DOCK10: variants seen among roughly 807,000 people sequenced by gnomAD.
DOCK10 encodes dedicator of cytokinesis 10.
In DOCK10, 145 loss-of-function variants were observed where a neutral mutation model predicts 280.1. That is an observed-to-expected ratio of 0.52 (90% confidence interval 0.45 to 0.59). The LOEUF (loss-of-function observed/expected upper bound fraction) is 0.59. DOCK10 is among the 20% of genes least tolerant of loss of function. DOCK10 has a pLI of 0.00. For synonymous variants in DOCK10, 915 were observed against 942.2 expected, an observed-to-expected ratio of 0.97 and a Z score of 0.53; for missense variants, 2,368 against 2,651.7, an observed-to-expected ratio of 0.89 and a Z score of 2.35.
intron 3 of DOCK10, among the ~76,000 whole-genome samples, chr2:224,908,798 G>T (rs1700832426): frequency 6.6e-6 from 1 of 152,126 alleles, no homozygotes; most frequent in Non-Finnish European, 1.5e-5. Flanking sequence ...CACCCAGCCT[G>T]CTTCTGTTCT....
intron 19 of DOCK10, 142 bp downstream of exon 19, chr2:224,849,365 G>T: frequency 2.0e-6 from 1 of 509,738 alleles, no homozygotes; most frequent in Non-Finnish European, 3.5e-6. Context: ...ATATAGTTTA[G>T]AAATATTGGT....
At chr2:225,014,081 A>ATATATTTTTTTTTTTTTTTTTT (rs776104946) in intron 1 of DOCK10, among the ~76,000 whole-genome samples, 1 of 96,800 alleles carries the variant, frequency 1.0e-5, no homozygotes, top group Non-Finnish European at 1.9e-5. Context: ...GTCTGAATAT[A>ATATATTTTTTTTTTTTTTTTTT]TTGTTTTTTT....
At chr2:224,879,850 A>T (rs556892362) in intron 7 of DOCK10, among the ~76,000 whole-genome samples, 1 of 152,308 alleles carries the variant, frequency 6.6e-6, no homozygotes, top group East Asian at 1.9e-4. Flanking sequence ...TTGCAAGGAC[A>T]TTTTTAAGTA....
At chr2:224,999,126 G>A (rs1344558008) in intron 1 of DOCK10, among the ~76,000 whole-genome samples, 1 of 152,212 alleles carries the variant, frequency 6.6e-6, no homozygotes, top group African/African-American at 2.4e-5. Flanking sequence ...GGCAGAGGTT[G>A]CAGTGAGCTG....
rs149073821 is a variant in DOCK10 at position 224,783,971 on chromosome 2, C to T, written c.5655+3051G>A. ...AATTAGGTTGAACCATATAAAGTTGCCATTTTTGTACATAAAAAAGTGGTT... is the reference window on the plus strand; with the variant it reads ...AATTAGGTTGAACCATATAAAGTTGTCATTTTTGTACATAAAAAAGTGGTT... On this transcript the variant is annotated intron_variant, in intron 50 of 55. Coordinates refer to ENST00000258390, the MANE Select transcript of DOCK10 (RefSeq NM_014689.3). Among the ~76,000 whole-genome samples, 6 of 152,134 alleles carry T rather than the reference C, an allele frequency of 3.9e-5. No homozygotes were observed. The East Asian group carries it at 1.2e-3, about 29-fold the overall frequency.
Position 224,775,060 on chromosome 2 carries a change from G to A in DOCK10, c.5858C>T (p.Thr1953Met), listed in dbSNP as rs777792020. ...GATTTCCTTTTCCTCAAAGAACGGC[G>A]TCACATAGGTCACCTGGATGTAGGC... Reference protein sequence around the residue: ...KYAYIQVTYVTPFFEEKEIED... With the variant: ...KYAYIQVTYVMPFFEEKEIED... Residue 1953 changes from threonine to methionine, a missense_variant, in exon 52 of 56, where the codon ACG becomes ATG. By Grantham distance (81) the Thr-to-Met change is moderately conservative (BLOSUM62 -1). Transcript: ENST00000258390. 4.1e-5 allele frequency: 66 copies of A among 1,613,914 alleles called. No homozygotes were observed. The highest frequency in any genetic ancestry group is 1.2e-4 in the African/African-American group (9 of 74,932).
At chr2:225,033,384 T>C (rs1201433121) in intron 1 of DOCK10, among the ~76,000 whole-genome samples, 3 of 152,058 alleles carry the variant, frequency 2.0e-5, no homozygotes, top group Admixed American at 6.5e-5. Context: ...GGTTTCGCCA[T>C]ATTGGTCAGG....
intron 20 of DOCK10, 21 bp from the exon 21 acceptor site, chr2:224,845,345 C>A: frequency 6.3e-7 from 1 of 1,581,912 alleles, no homozygotes; most frequent in South Asian, 1.2e-5. Context: ...GAATAACCAA[C>A]AAAAATTCTG....
intron 50 of DOCK10, among the ~76,000 whole-genome samples, chr2:224,780,823 C>G (rs997512201): frequency 2.0e-5 from 3 of 151,954 alleles, no homozygotes; most frequent in Non-Finnish European, 4.4e-5. Flanking sequence ...TCGCTTGAAT[C>G]CAGGAGGCGG....
intron 30 of DOCK10, among the ~76,000 whole-genome samples, chr2:224,816,261 C>T (rs1022683304): frequency 1.3e-5 from 2 of 149,834 alleles, no homozygotes; most frequent in Non-Finnish European, 3.0e-5. Context: ...CTTTTCCTCC[C>T]TATAATTTTA....
chr2:224,858,162 C>T (rs1001820671), intron 14 of DOCK10, among the ~76,000 whole-genome samples: 1 of 152,198 alleles, frequency 6.6e-6, no homozygotes. Flanking sequence ...GGAAGTTAAA[C>T]TGAGCTTGAA....
chr2:225,016,156 T>C (rs182998755), intron 1 of DOCK10, among the ~76,000 whole-genome samples: 1 of 152,296 alleles, frequency 6.6e-6, no homozygotes, highest in African/African-American at 2.4e-5. Flanking sequence ...GGTGAGCAGG[T>C]TTGTCACTAG....
At position 224,886,617 on chromosome 2, in the gene DOCK10, A is replaced by G. The variant is rs1013779955; in HGVS notation, c.417-86T>C. ...TGCTCCCCAGGTAACAATAACAACT[A>G]TGGTGCTGGTGTTCTTACAAATTTC... is the stretch of plus-strand genomic sequence containing the variant. On this transcript the variant is annotated intron_variant, in intron 4 of 55. Transcript: ENST00000258390. 9.9e-6 allele frequency: 10 copies of G among 1,008,548 alleles called. No homozygotes were observed. In the African/African-American group the frequency reaches 1.5e-4, roughly 15 times the overall value. The allele number at this position is 1,008,548 out of a possible 1,614,324, so 62.5% of individuals were successfully genotyped here.
At chr2:224,886,602 GTAACAA>G in intron 4 of DOCK10, 71 bp from the exon 5 acceptor site, 1 of 1,238,332 alleles carries the variant, frequency 8.1e-7, no homozygotes, top group East Asian at 2.4e-5. Flanking sequence ...TGCTCCCCAG[GTAACAA>G]TAACAACTAT....
chr2:224,912,146 T>TC (rs1442761597), intron 3 of DOCK10, among the ~76,000 whole-genome samples: 1 of 36,032 alleles, frequency 2.8e-5, no homozygotes, highest in African/African-American at 5.0e-5. Flanking sequence ...AAAATACATT[T>TC]TTTTTTTTTT....
In DOCK10 at chr2:224,886,886, A is replaced by AC. The variant is rs879598680; in HGVS notation, c.417-356dup. On this transcript the variant is annotated intron_variant, in intron 4 of 55. Coordinates refer to ENST00000258390, the MANE Select transcript of DOCK10 (RefSeq NM_014689.3). ...TCTCATGCTGCATGCAGCACCCCCAACACCCCCCCAAGTAGTACCTGGGAT... is the reference window on the plus strand; with the variant it reads ...TCTCATGCTGCATGCAGCACCCCCAACCACCCCCCCAAGTAGTACCTGGGAT... 8.1e-4 allele frequency among the ~76,000 whole-genome samples: 109 copies of AC among 135,240 alleles called. 3 individuals are homozygous for AC. The highest frequency in any genetic ancestry group is 2.0e-3 in the African/African-American group (67 of 32,956). 88.7% of individuals were successfully genotyped at this position (135,240 alleles called of 152,430 possible).
At chr2:224,988,995 G>C (rs538377252) in intron 1 of DOCK10, among the ~76,000 whole-genome samples, 1 of 152,274 alleles carries the variant, frequency 6.6e-6, no homozygotes, top group African/African-American at 2.4e-5. Context: ...GCTACTTTGG[G>C]TCCAATTAGA....
rs1317218542 is a variant in DOCK10, at chr2:224,783,825, G to A, written c.5655+3197C>T. On this transcript the variant is annotated intron_variant, in intron 50 of 55. Coordinates refer to ENST00000258390, the MANE Select transcript of DOCK10 (RefSeq NM_014689.3). ...AATGAACATAGAAAATGCTGGTATGGTATGAATGTGGGAAGGAATTTAAAG... is the reference window on the plus strand; with the variant it reads ...AATGAACATAGAAAATGCTGGTATGATATGAATGTGGGAAGGAATTTAAAG... Among the ~76,000 whole-genome samples the A allele has an allele frequency of 5.3e-5, 8 of 152,116 alleles. No individual in the cohort carries two copies. The East Asian group carries it at 1.5e-3, about 29-fold the overall frequency.
chr2:224,804,658 T>C (rs1574849778), intron 38 of DOCK10, 136 bp downstream of exon 38: 1 of 630,098 alleles, frequency 1.6e-6, no homozygotes, highest in East Asian at 3.1e-5. Context: ...CTGTGTCTAA[T>C]GTGACGTCAA....
Sources: gnomAD v4.1 joint callset for allele counts (sites outside exome capture counted in the v4.1 genomes callset) on GRCh38, gnomAD v4.1.1 for gene constraint, MANE v1.5 for transcripts, NCBI Gene and HGNC (gene_info 2026-07-23, HGNC 2026-07-21) for gene names.